The following ECT2 variants were observed in gnomAD, a reference collection of about 807,000 sequenced individuals.
The protein encoded by ECT2 is protein ECT2.
A neutral mutation model predicts 116.9 loss-of-function variants in ECT2; 61 were observed. That is an observed-to-expected ratio of 0.52 (90% CI 0.42 to 0.65). The LOEUF (loss-of-function observed/expected upper bound fraction) is 0.65, where lower values mean the gene tolerates loss of function less well. Ranked by LOEUF, ECT2 falls within the 30% of genes least tolerant of loss-of-function variation. The probability of loss-of-function intolerance (pLI) is 0.00; values close to 1 mark genes in which losing one functional copy is unlikely to be tolerated. For synonymous variants in ECT2, 358 were observed against 346.4 expected, an observed-to-expected ratio of 1.03 and a Z score of -0.37; for missense variants, 937 against 1,078.7, an observed-to-expected ratio of 0.87 and a Z score of 1.84.
intron 6 of ECT2, among the ~76,000 whole-genome samples, chr3:172,759,487 G>A (rs2108257154): frequency 6.6e-6 from 1 of 152,086 alleles, no homozygotes; most frequent in South Asian, 2.1e-4. Flanking sequence ...TGTCACCCAG[G>A]CTGGAGTGCA....
intron 12 of ECT2, among the ~76,000 whole-genome samples, chr3:172,767,313 C>T (rs957718835): frequency 2.0e-5 from 3 of 151,906 alleles, no homozygotes; most frequent in East Asian, 1.9e-4. Context: ...TGGTGGTGTG[C>T]GCCTGTAATC....
At chr3:172,828,829 CTGCCTGAGAGATGAG>C in the ECT2 span, 38 of 844,254 alleles carry the variant, frequency 4.5e-5, no homozygotes, top group East Asian at 7.2e-4. Context: ...AGAAGAGCTA[CTGCCTGAGAGATGAG>C]TGCCTGAGAG....
intron 1 of ECT2, 80 bp from the exon 2 acceptor site, chr3:172,754,429 C>A: frequency 2.0e-6 from 2 of 1,008,014 alleles, no homozygotes; most frequent in Non-Finnish European, 2.8e-6. Context: ...TTTATAAATT[C>A]TAGGTAAAAA....
At chr3:172,752,464 T>A (rs1297074198) in intron 1 of ECT2, 3 of 152,098 alleles carry the variant, frequency 2.0e-5, no homozygotes, top group East Asian at 3.9e-4. Flanking sequence ...CTTCCAGTCC[T>A]TAAAGCAGGT....
chr3:172,769,992 G>A (rs541905254), intron 13 of ECT2, among the ~76,000 whole-genome samples: 1 of 152,262 alleles, frequency 6.6e-6, no homozygotes, highest in East Asian at 1.9e-4. Context: ...CAATTTAATA[G>A]CCTTTAAGTT....
chr3:172,816,873 T>C, intron 24 of ECT2, 36 bp downstream of exon 24: 2 of 1,460,846 alleles, frequency 1.4e-6, no homozygotes, highest in East Asian at 2.4e-5. Flanking sequence ...AAATGACTTA[T>C]TTATGAAGTT....
In ECT2 at chr3:172,818,019, T is replaced by C. The variant is rs560814305; in HGVS notation, c.2655+1182T>C. 7.6e-4 allele frequency among the ~76,000 whole-genome samples: 115 copies of C among 152,148 alleles called. 1 individual carries two copies. The highest frequency in any genetic ancestry group is 1.4e-3 in the Non-Finnish European group (94 of 68,018). On this transcript the variant is annotated intron_variant, in intron 24 of 24. Transcript: ENST00000392692. ...TATAAGGATTAAGCGAGTTATTATA[T>C]GTAAAGTGCTTAGAACAGTACCTGG...
intron 18 of ECT2, among the ~76,000 whole-genome samples, chr3:172,794,314 A>T (rs1014226425): frequency 3.3e-5 from 5 of 152,150 alleles, no homozygotes; most frequent in Non-Finnish European, 1.5e-5. Context: ...TTCATTTTTT[A>T]AAATATGGAA....
chr3:172,772,220 G>T (rs1360785826), intron 13 of ECT2, among the ~76,000 whole-genome samples: 2 of 150,138 alleles, frequency 1.3e-5, no homozygotes, highest in Non-Finnish European at 3.0e-5. Context: ...CAGGCTGGGA[G>T]AATTATTATT....
chr3:172,810,378 A>G (rs1024265027), intron 22 of ECT2, among the ~76,000 whole-genome samples: 1 of 152,166 alleles, frequency 6.6e-6, no homozygotes, highest in Admixed American at 6.6e-5. Flanking sequence ...GAGTTTTTAA[A>G]CTTGTAAGTA....
chr3:172,815,211 A>C (rs979031336), intron 22 of ECT2, among the ~76,000 whole-genome samples: 1 of 152,204 alleles, frequency 6.6e-6, no homozygotes, highest in Non-Finnish European at 1.5e-5. Context: ...ATTGAGGACA[A>C]AAGGGTAAAG....
At chr3:172,829,259 C>A in the ECT2 span, 6 of 265,360 alleles carry the variant, frequency 2.3e-5, no homozygotes, top group Admixed American at 2.0e-4. Context: ...AAAATCTCTT[C>A]TTCACATTTT....
chr3:172,770,455 A>T (rs1021396867), intron 13 of ECT2, among the ~76,000 whole-genome samples: 8 of 152,184 alleles, frequency 5.3e-5, no homozygotes, highest in Non-Finnish European at 2.9e-5. Flanking sequence ...AACTCATCAA[A>T]GGTTTGTTTA....
intron 4 of ECT2, among the ~76,000 whole-genome samples, chr3:172,756,740 T>C (rs1717062375): frequency 6.6e-6 from 1 of 152,204 alleles, no homozygotes; most frequent in African/African-American, 2.4e-5. Context: ...TTTATAATAC[T>C]GATCTTTAAA....
At chr3:172,793,012 C>T (rs1576973456) in intron 18 of ECT2, among the ~76,000 whole-genome samples, 2 of 152,054 alleles carry the variant, frequency 1.3e-5, no homozygotes, top group Admixed American at 1.3e-4. Context: ...AGCTACTGCA[C>T]CCAGCAAGGT....
At chr3:172,807,991 G>A in intron 22 of ECT2, 67 bp downstream of exon 22, 1 of 1,410,086 alleles carries the variant, frequency 7.1e-7, no homozygotes, top group Non-Finnish European at 9.5e-7. Context: ...GACTAAACCT[G>A]TACATTTTTA....
intron 6 of ECT2, among the ~76,000 whole-genome samples, chr3:172,759,646 G>A (rs763756609): frequency 1.3e-5 from 2 of 151,814 alleles, no homozygotes; most frequent in Non-Finnish European, 2.9e-5. Flanking sequence ...GGGTTTCACC[G>A]TGTTAGCCAG....
intron 12 of ECT2, among the ~76,000 whole-genome samples, chr3:172,766,991 T>G (rs2108401202): frequency 6.6e-6 from 1 of 152,330 alleles, no homozygotes; most frequent in South Asian, 2.1e-4. Flanking sequence ...AGTTTGTAGG[T>G]CATTGTCTAG....
In ECT2 at chr3:172,784,747, T is replaced by A. The variant is rs1226000442; in HGVS notation, c.1769T>A (p.Val590Asp). 5 of 1,613,562 alleles carry A rather than the reference T, an allele frequency of 3.1e-6. No homozygotes were observed. The highest frequency in any genetic ancestry group is 1.3e-5 in the African/African-American group (1 of 74,924). Residue 590 changes from valine to aspartate, a missense_variant, in exon 17 of 25, where the codon GTT becomes GAT. Physicochemically the swap from Val to Asp is radical, Grantham distance 152. Coordinates refer to ENST00000392692, the MANE Select transcript of ECT2 (RefSeq NM_001258315.2). ...CCAGAATGTGGACGGCAGAGCCTTG[T>A]TGAACTTCTTATCCGACCAGTACAG... ...AKPECGRQSL[V>D]ELLIRPVQRL...
Sources: gnomAD v4.1 joint callset for allele counts (sites outside exome capture counted in the v4.1 genomes callset) on GRCh38, gnomAD v4.1.1 for gene constraint, MANE v1.5 for transcripts, NCBI Gene and HGNC (gene_info 2026-07-23, HGNC 2026-07-21) for gene names.